The following RAB6A variants were observed in gnomAD, a reference collection of about 807,000 sequenced individuals.
RAB6A encodes the protein ras-related protein Rab-6A.
Under a neutral mutation model 32.3 loss-of-function variants are expected in RAB6A, and 8 were observed. The observed-to-expected ratio is 0.25, with a 90% confidence interval of 0.15 to 0.45. RAB6A has a LOEUF of 0.45. Ranked by LOEUF, RAB6A falls within the 20% of genes least tolerant of loss-of-function variation. The probability of loss-of-function intolerance (pLI) is 1.00; values close to 1 mark genes in which losing one functional copy is unlikely to be tolerated. For missense variants in RAB6A, 104 were observed against 249.4 expected (o/e 0.42, Z 3.93); for synonymous variants, 73 against 82.1 (o/e 0.89, Z 0.60).
At chr11:73,718,755 A>G (rs1186273157) in intron 3 of RAB6A, 37 bp from the exon 4 acceptor site, 3 of 1,614,070 alleles carry the variant, frequency 1.9e-6, no homozygotes, top group Non-Finnish European at 2.5e-6. Flanking sequence ...AAGAAAAATA[A>G]GAAAGGTCAA....
At chr11:73,702,475 C>T (rs1352427996) in intron 6 of RAB6A, among the ~76,000 whole-genome samples, 1 of 152,012 alleles carries the variant, frequency 6.6e-6, no homozygotes, top group Non-Finnish European at 1.5e-5. Flanking sequence ...CCCAGCCAGG[C>T]TATATAAGGT....
intron 2 of RAB6A, 137 bp from the exon 3 acceptor site, chr11:73,721,036 A>C (rs1422048072): frequency 2.9e-6 from 2 of 686,152 alleles, no homozygotes; most frequent in Non-Finnish European, 5.0e-6. Flanking sequence ...AAGGACAATT[A>C]AGGACAAACA....
chr11:73,744,254 C>T (rs894409856), intron 1 of RAB6A, among the ~76,000 whole-genome samples: 2 of 149,294 alleles, frequency 1.3e-5, no homozygotes, highest in African/African-American at 2.5e-5. Flanking sequence ...AGGAGAATGG[C>T]GTGAACTCGG....
intron 1 of RAB6A, among the ~76,000 whole-genome samples, chr11:73,747,950 T>C (rs148520641): frequency 4.9e-4 from 75 of 152,352 alleles, no homozygotes; most frequent in African/African-American, 1.6e-3. Flanking sequence ...CACTTGGTTA[T>C]TGGTGGTGTC....
chr11:73,710,134 GT>G (rs60147602), intron 5 of RAB6A, among the ~76,000 whole-genome samples: 123,606 of 139,988 alleles, frequency 0.88, 54,798 homozygotes, highest in East Asian at 0.98. Flanking sequence ...AATTTTTTGT[GT>G]TTTTTTTTTT....
At chr11:73,686,502 C>T (rs1312524598) in intron 6 of RAB6A, among the ~76,000 whole-genome samples, 1 of 152,042 alleles carries the variant, frequency 6.6e-6, no homozygotes, top group Admixed American at 6.6e-5. Flanking sequence ...TGCAGTGACC[C>T]AGAGATCGCG....
At chr11:73,740,587 TA>T (rs937295662) in intron 1 of RAB6A, among the ~76,000 whole-genome samples, 69 of 146,042 alleles carry the variant, frequency 4.7e-4, no homozygotes, top group East Asian at 6.0e-4. Context: ...AAAGTTAATT[TA>T]AAAAAAAAAA....
At chr11:73,710,950 G>C (rs1160520452) in intron 5 of RAB6A, among the ~76,000 whole-genome samples, 1 of 151,902 alleles carries the variant, frequency 6.6e-6, no homozygotes, top group East Asian at 1.9e-4. Flanking sequence ...TTTTGGCCCT[G>C]ATTTATAGTT....
chr11:73,688,219 AT>A (rs1945490956), intron 6 of RAB6A, among the ~76,000 whole-genome samples: 1 of 152,184 alleles, frequency 6.6e-6, no homozygotes, highest in South Asian at 2.1e-4. Flanking sequence ...CCAATTGGTG[AT>A]TTTTGCCCAA....
At chr11:73,698,419 T>C (rs992829402) in intron 6 of RAB6A, among the ~76,000 whole-genome samples, 2 of 152,180 alleles carry the variant, frequency 1.3e-5, no homozygotes, top group Non-Finnish European at 2.9e-5. Flanking sequence ...TCTAAAACTT[T>C]GGTTTCATAT....
chr11:73,714,533 G>GC (rs1432386272), intron 5 of RAB6A, among the ~76,000 whole-genome samples: 2 of 151,506 alleles, frequency 1.3e-5, no homozygotes, highest in African/African-American at 2.4e-5. Flanking sequence ...ATGGTGGCAG[G>GC]CATCAGTAAT....
chr11:73,759,946 A>AG, intron 1 of RAB6A: 3 of 998,554 alleles, frequency 3.0e-6, no homozygotes, highest in South Asian at 1.5e-5. Context: ...CAACCACCCC[A>AG]TGCTCAAGTC....
At chr11:73,714,770 A>T (rs931813458) in intron 5 of RAB6A, among the ~76,000 whole-genome samples, 1 of 152,076 alleles carries the variant, frequency 6.6e-6, no homozygotes, top group African/African-American at 2.4e-5. Flanking sequence ...GTTCAAGATC[A>T]GCCTGGCCAA....
chr11:73,682,019 CG>C (rs1463204304), intron 6 of RAB6A, among the ~76,000 whole-genome samples: 1 of 152,044 alleles, frequency 6.6e-6, no homozygotes, highest in African/African-American at 2.4e-5. Context: ...CTTTGAATTG[CG>C]GAACACTTAC....
At chr11:73,692,788 CAAAA>C (rs140762210) in intron 6 of RAB6A, among the ~76,000 whole-genome samples, 44 of 98,186 alleles carry the variant, frequency 4.5e-4, no homozygotes, top group East Asian at 2.2e-3. Flanking sequence ...ACTAAAAATA[CAAAA>C]AAAAAAAAAA....
In RAB6A at chr11:73,685,834, G is replaced by A. The variant is rs184169611; in HGVS notation, c.496-6114C>T. ...GGGGAGGTGGAGGTTGCAGTGAGCC[G>A]AGATTATGCCACTGCACTCCAGCCC... On this transcript the variant is annotated intron_variant, in intron 6 of 7. Transcript: ENST00000336083. Among the ~76,000 whole-genome samples the A allele has an allele frequency of 1.6e-3, 224 of 137,614 alleles. 3 individuals are homozygous for A. Among genetic ancestry groups the A allele is most frequent in the Middle Eastern group, 8.4e-3 (2 of 238 alleles). The allele number at this position is 137,614 out of a possible 152,430, so 90.3% of individuals were successfully genotyped here.
chr11:73,714,331 A>G (rs1946019383), intron 5 of RAB6A, among the ~76,000 whole-genome samples: 1 of 151,736 alleles, frequency 6.6e-6, no homozygotes, highest in Admixed American at 6.6e-5. Context: ...AACTCTGGCT[A>G]TAAAGGGAAA....
In RAB6A at chr11:73,731,684, T is replaced by TAATATATATATATA. The variant is rs1318187273; in HGVS notation, c.71-862_71-861insTATATATATATATT. On this transcript the variant is annotated intron_variant, in intron 1 of 7. Coordinates refer to ENST00000336083, the MANE Select transcript of RAB6A (RefSeq NM_198896.2). ...GTATTGTGAGATAGATAGATAGATATTATATATATATATATATATATATAT... is the reference window on the plus strand; with the variant it reads ...GTATTGTGAGATAGATAGATAGATATAATATATATATATATATATATATATATATATATATATAT... Among the ~76,000 whole-genome samples, 5 of 14,504 alleles carry TAATATATATATATA rather than the reference T, an allele frequency of 3.4e-4. 1 individual carries two copies. Among genetic ancestry groups the TAATATATATATATA allele is most frequent in the African/African-American group, 3.9e-4 (2 of 5,192 alleles). 9.5% of individuals were successfully genotyped at this position (14,504 alleles called of 152,430 possible).
chr11:73,729,844 A>ACCAGGAACAG, intron 2 of RAB6A: 1 of 153,188 alleles, frequency 6.5e-6, no homozygotes, highest in African/African-American at 2.4e-5. Context: ...GTACTAGACA[A>ACCAGGAACAG]CCAGGAACAG....
Sources: allele counts gnomAD v4.1 joint callset (sites outside exome capture counted in the v4.1 genomes callset), GRCh38; gene constraint gnomAD v4.1.1; transcripts MANE v1.5; gene names NCBI Gene and HGNC (gene_info 2026-07-23, HGNC 2026-07-21).